Variants in ARHGEF11 observed in about 807,000 individuals in gnomAD.
ARHGEF11 encodes Rho guanine nucleotide exchange factor 11.
ARHGEF11 carries 55 observed loss-of-function variants against 193.7 expected under a neutral mutation model. The ratio of observed to expected loss-of-function variants is 0.28; its 90% CI spans 0.23 to 0.36. The LOEUF (loss-of-function observed/expected upper bound fraction) is 0.36. Ranked by LOEUF, ARHGEF11 falls within the 10% of genes least tolerant of loss-of-function variation. The probability of loss-of-function intolerance (pLI) is 1.00; values close to 1 mark genes in which losing one functional copy is unlikely to be tolerated. For missense variants in ARHGEF11, 1,723 were observed against 2,005.6 expected (o/e 0.86, Z 2.69); for synonymous variants, 693 against 768.0 (o/e 0.90, Z 1.62).
rs570515441 is a variant in ARHGEF11, at chr1:156,985,748, T to A, written c.124+334A>T. On this transcript the variant is annotated intron_variant, in intron 2 of 40. Transcript: ENST00000368194. ...CATGTGCCTTTTTTTTTTTTTTTTT[T>A]AAAAAGAGATGGAGTATCACTATGT... 289 of 151,472 alleles carry A rather than the reference T, an allele frequency of 1.9e-3. 11 individuals carry two copies. The East Asian group carries it at 0.037, about 19-fold the overall frequency. The allele number at this position is 151,472 out of a possible 1,614,324, so 9.4% of individuals were successfully genotyped here.
At chr1:156,996,697 C>T (rs931760894) in intron 1 of ARHGEF11, among the ~76,000 whole-genome samples, 16 of 135,832 alleles carry the variant, frequency 1.2e-4, no homozygotes, top group Non-Finnish European at 2.1e-4. Flanking sequence ...GGCGTGAACC[C>T]GGGGGGCGGA....
chr1:156,966,453 T>C (rs1345951337), intron 11 of ARHGEF11, among the ~76,000 whole-genome samples: 1 of 152,226 alleles, frequency 6.6e-6, no homozygotes, highest in Non-Finnish European at 1.5e-5. Flanking sequence ...TCTACTTCAT[T>C]AAAACAGATG....
intron 11 of ARHGEF11, among the ~76,000 whole-genome samples, chr1:156,964,796 T>C (rs1661470546): frequency 6.6e-6 from 1 of 152,196 alleles, no homozygotes; most frequent in African/African-American, 2.4e-5. Context: ...CGAAACACCC[T>C]ACTCTCTGAC....
rs200474871 is a variant in ARHGEF11, at chr1:156,937,235, C to T, written c.4440+14G>A. 1.3e-5 allele frequency: 21 copies of T among 1,608,434 alleles called. No homozygotes were observed. The highest frequency in any genetic ancestry group is 1.7e-5 in the Non-Finnish European group (20 of 1,179,418). On this transcript the variant is annotated intron_variant, in intron 39 of 40. Coordinates refer to ENST00000368194, the MANE Select transcript of ARHGEF11 (RefSeq NM_198236.3). Reference sequence around the variant, plus strand: ...ACTGAAGGCCTGCAGGGACCCAAGCCCTGCTTCCCTCACCTTGAGCCTGTT... The same window carrying T: ...ACTGAAGGCCTGCAGGGACCCAAGCTCTGCTTCCCTCACCTTGAGCCTGTT...
intron 3 of ARHGEF11, among the ~76,000 whole-genome samples, chr1:156,980,842 G>T (rs1162239235): frequency 1.6e-5 from 2 of 121,422 alleles, no homozygotes; most frequent in South Asian, 3.5e-4. Context: ...CCGGGGGGGG[G>T]GGGGGAAATG....
rs1673137870 is a variant in ARHGEF11, at chr1:157,044,516, T to C, written c.-186A>G. ...ACTCTACTTCTACCAGTGAACATGA[T>C]TTCCTTTCTCAGCCCCTCTTCCCCT... On this transcript the variant is annotated 5_prime_UTR_variant, in exon 1 of 41. Coordinates refer to ENST00000368194, the MANE Select transcript of ARHGEF11 (RefSeq NM_198236.3). 2 of 495,530 alleles carry C rather than the reference T, an allele frequency of 4.0e-6. No individual in the cohort carries two copies. Among genetic ancestry groups the C allele is most frequent in the Non-Finnish European group, 7.2e-6 (2 of 275,898 alleles). 30.7% of individuals were successfully genotyped at this position (495,530 alleles called of 1,614,324 possible).
At chr1:157,016,013 A>G (rs1005872135) in intron 1 of ARHGEF11, among the ~76,000 whole-genome samples, 1 of 152,156 alleles carries the variant, frequency 6.6e-6, no homozygotes, top group Non-Finnish European at 1.5e-5. Context: ...GAGTGTGTGG[A>G]TATCTCTAAG....
upstream of ARHGEF11, among the ~76,000 whole-genome samples, chr1:157,046,357 G>GCCCGCGC (rs979399555): frequency 7.2e-5 from 11 of 152,184 alleles, no homozygotes; most frequent in South Asian, 1.9e-3. Flanking sequence ...CAGCCACCGT[G>GCCCGCGC]CCCGCGCCCC....
chr1:156,951,829 GTC>G, intron 21 of ARHGEF11, 130 bp from the exon 22 acceptor site: 1 of 1,194,180 alleles, frequency 8.4e-7, no homozygotes. Flanking sequence ...TGGACCAAGA[GTC>G]AGGAGATGTG....
At chr1:157,007,783 C>A (rs1013483522) in intron 1 of ARHGEF11, among the ~76,000 whole-genome samples, 3 of 152,156 alleles carry the variant, frequency 2.0e-5, no homozygotes, top group African/African-American at 7.2e-5. Context: ...ATCCCACATT[C>A]CTGATACTTC....
intron 22 of ARHGEF11, among the ~76,000 whole-genome samples, chr1:156,951,222 C>T (rs962403532): frequency 6.6e-6 from 1 of 152,202 alleles, no homozygotes; most frequent in African/African-American, 2.4e-5. Context: ...CTCTTGCCCC[C>T]ACTATAGTCT....
At chr1:156,962,818 G>T (rs1661111877) in intron 13 of ARHGEF11, among the ~76,000 whole-genome samples, 1 of 141,294 alleles carries the variant, frequency 7.1e-6, no homozygotes, top group Non-Finnish European at 1.5e-5. Flanking sequence ...GGCGGAGCTT[G>T]CAGTGAGCTG....
chr1:156,942,595 G>T, intron 33 of ARHGEF11, 95 bp downstream of exon 33: 1 of 1,137,650 alleles, frequency 8.8e-7, no homozygotes, highest in Non-Finnish European at 1.3e-6. Flanking sequence ...ACTGCTTTGG[G>T]GCCCAAACCT....
intron 22 of ARHGEF11, among the ~76,000 whole-genome samples, chr1:156,950,787 A>G (rs1658968815): frequency 6.6e-6 from 1 of 152,208 alleles, no homozygotes; most frequent in African/African-American, 2.4e-5. Flanking sequence ...GTACACAAGC[A>G]TTATTTCCCC....
In ARHGEF11 at chr1:156,947,773, G is replaced by T. The variant is rs779487831; in HGVS notation, c.2337C>A (p.Ile779=). 11 of 1,612,822 alleles carry T rather than the reference G, an allele frequency of 6.8e-6. No homozygotes were observed. The highest frequency in any genetic ancestry group is 9.3e-6 in the Non-Finnish European group (11 of 1,179,962). The stretch of plus-strand genomic sequence containing the variant: ...GGCAGTGGAGCACGTTCTCACCATT[G>T]ATGACCTCTTGCCGGTCAATCTCCC... ...TQREIDRQEV[I]NELFVTEASH... is the part of the protein sequence containing the mutation. Residue 779 remains isoleucine, a synonymous_variant, in exon 25 of 41, where the codon ATC becomes ATA. Transcript: ENST00000368194.
At chr1:156,989,482 C>T (rs953669325) in intron 1 of ARHGEF11, among the ~76,000 whole-genome samples, 1 of 152,236 alleles carries the variant, frequency 6.6e-6, no homozygotes, top group African/African-American at 2.4e-5. Context: ...ATTATCTACA[C>T]AATCAGATGT....
chr1:156,939,486 G>C, intron 37 of ARHGEF11, 62 bp downstream of exon 37: 1 of 1,598,390 alleles, frequency 6.3e-7, no homozygotes, highest in Non-Finnish European at 8.5e-7. Context: ...CAGCTGTTCG[G>C]AAGACTTATC....
At chr1:157,004,530 C>T (rs77710877) in intron 1 of ARHGEF11, among the ~76,000 whole-genome samples, 4,079 of 152,256 alleles carry the variant, frequency 0.027, 72 homozygotes, top group South Asian at 0.054. Context: ...CTCCATCTTT[C>T]TACTTCTCCC....
At chr1:156,997,615 C>T (rs1360209169) in intron 1 of ARHGEF11, among the ~76,000 whole-genome samples, 1 of 152,140 alleles carries the variant, frequency 6.6e-6, no homozygotes, top group Non-Finnish European at 1.5e-5. Context: ...GGAGCTGACA[C>T]TGGGAGTACC....
Sources: allele counts gnomAD v4.1 joint callset (sites outside exome capture counted in the v4.1 genomes callset), GRCh38; gene constraint gnomAD v4.1.1; transcripts MANE v1.5; gene names NCBI Gene and HGNC (gene_info 2026-07-23, HGNC 2026-07-21).